Variants in DGKB observed in about 807,000 individuals in gnomAD.
DGKB encodes the protein diacylglycerol kinase beta.
Under a neutral mutation model 114.3 loss-of-function variants are expected in DGKB, and 67 were observed. The ratio of observed to expected loss-of-function variants is 0.59; its 90% CI spans 0.48 to 0.72. DGKB has a LOEUF of 0.72. Among genes scored for constraint, DGKB ranks in the 30% least tolerant of loss-of-function variants. The pLI is 0.00. For missense variants in DGKB, 907 were observed against 975.2 expected, an observed-to-expected ratio of 0.93 and a Z score of 0.93; for synonymous variants, 398 against 323.1, an observed-to-expected ratio of 1.23 and a Z score of -2.49.
chr7:14,301,260 G>T (rs780018916), intron 23 of DGKB, among the ~76,000 whole-genome samples: 2 of 152,008 alleles, frequency 1.3e-5, no homozygotes, highest in African/African-American at 4.8e-5. Context: ...AATCTCATTT[G>T]ACTAGGCTAC....
intron 12 of DGKB, among the ~76,000 whole-genome samples, chr7:14,675,012 G>C (rs1333953543): frequency 6.6e-6 from 1 of 152,058 alleles, no homozygotes; most frequent in Non-Finnish European, 1.5e-5. Context: ...GAGATTATGG[G>C]TCTTAAGACT....
chr7:14,542,480 G>T (rs17168246), intron 20 of DGKB, among the ~76,000 whole-genome samples: 6,353 of 151,936 alleles, frequency 0.042, 269 homozygotes, highest in East Asian at 0.2. Context: ...TCACACATTA[G>T]ATTTTCCTAT....
rs527290275 is a variant in DGKB at position 14,843,530 on chromosome 7, T to G, written c.-187-2080A>C. ...TTTGTATTTTTAGTAGAGACGGGGT[T>G]TCACCTTGTTAGCCAGGATGGTCTC... is the stretch of plus-strand genomic sequence containing the variant. On this transcript the variant is annotated intron_variant, in intron 1 of 25. Transcript: ENST00000402815. Among the ~76,000 whole-genome samples the G allele has an allele frequency of 2.5e-3, 370 of 150,758 alleles. 1 individual carries two copies. The highest frequency in any genetic ancestry group is 8.9e-3 in the African/African-American group (366 of 41,068).
chr7:14,655,672 G>T (rs1563811330), intron 13 of DGKB, among the ~76,000 whole-genome samples: 1 of 151,366 alleles, frequency 6.6e-6, no homozygotes, highest in East Asian at 1.9e-4. Flanking sequence ...AAATAATTAT[G>T]GTATATATGC....
intron 23 of DGKB, among the ~76,000 whole-genome samples, chr7:14,330,917 T>C (rs1035989209): frequency 5.5e-4 from 84 of 152,028 alleles, no homozygotes; most frequent in Admixed American, 5.5e-3. Flanking sequence ...TGAAAATTTT[T>C]TTATTTTTAC....
chr7:14,420,681 A>ATGAAGTTTCATTTACCTTAAACTTCTAAT (rs1826518109), intron 21 of DGKB, among the ~76,000 whole-genome samples: 4 of 152,126 alleles, frequency 2.6e-5, no homozygotes, highest in African/African-American at 7.2e-5. Flanking sequence ...GGACTACTGC[A>ATGAAGTTTCATTTACCTTAAACTTCTAAT]TGAAGTTTCA....
chr7:14,970,881 G>C (rs1293160315), intron 1 of DGKB, among the ~76,000 whole-genome samples: 1 of 152,170 alleles, frequency 6.6e-6, no homozygotes, highest in African/African-American at 2.4e-5. Flanking sequence ...CAGATGGACA[G>C]CGTACACTAG....
At chr7:14,811,832 A>G (rs1843482762) in intron 2 of DGKB, among the ~76,000 whole-genome samples, 7 of 119,638 alleles carry the variant, frequency 5.9e-5, no homozygotes, top group Admixed American at 5.2e-4. Context: ...TTAAGGGTAC[A>G]GTTATGTGAT....
At chr7:14,656,328 T>A (rs1289669757) in intron 13 of DGKB, among the ~76,000 whole-genome samples, 2 of 151,666 alleles carry the variant, frequency 1.3e-5, no homozygotes, top group South Asian at 4.1e-4. Flanking sequence ...TATAGACACC[T>A]ATGATCTGAA....
chr7:14,881,976 A>G (rs560819338), intron 1 of DGKB, among the ~76,000 whole-genome samples: 1 of 152,050 alleles, frequency 6.6e-6, no homozygotes, highest in East Asian at 1.9e-4. Context: ...CAGTCCTGCT[A>G]TTTTACTAGT....
intron 23 of DGKB, among the ~76,000 whole-genome samples, chr7:14,218,624 G>C (rs945042228): frequency 1.3e-5 from 2 of 152,016 alleles, no homozygotes; most frequent in African/African-American, 4.8e-5. Context: ...CTTGAAGGAA[G>C]ATAAGGGGAA....
chr7:14,263,368 C>T (rs1797041367), intron 23 of DGKB, among the ~76,000 whole-genome samples: 1 of 152,010 alleles, frequency 6.6e-6, no homozygotes, highest in Non-Finnish European at 1.5e-5. Context: ...TGAGATGAAC[C>T]TTTGCTTTTT....
At chr7:14,492,392 A>G (rs947635306) in intron 20 of DGKB, among the ~76,000 whole-genome samples, 4 of 152,062 alleles carry the variant, frequency 2.6e-5, no homozygotes, top group Non-Finnish European at 5.9e-5. Flanking sequence ...AAATACCAAT[A>G]AAAGAACATA....
At chr7:14,714,621 GA>G (rs566214492) in intron 6 of DGKB, among the ~76,000 whole-genome samples, 2,263 of 149,812 alleles carry the variant, frequency 0.015, 21 homozygotes, top group Admixed American at 0.022. Context: ...TAGGTGTTTG[GA>G]AAAAAAAACA....
intron 20 of DGKB, among the ~76,000 whole-genome samples, chr7:14,520,826 G>A (rs1371223614): frequency 6.6e-6 from 1 of 151,972 alleles, no homozygotes; most frequent in Non-Finnish European, 1.5e-5. Context: ...AATAGAAGTC[G>A]ATAAATGCCA....
chr7:14,193,761 C>A (rs538312277), intron 23 of DGKB, among the ~76,000 whole-genome samples: 1 of 151,622 alleles, frequency 6.6e-6, no homozygotes, highest in South Asian at 2.1e-4. Flanking sequence ...GATAACCTAG[C>A]AAATGGGAGA....
intron 20 of DGKB, among the ~76,000 whole-genome samples, chr7:14,515,976 C>T (rs1412804365): frequency 6.6e-6 from 1 of 152,064 alleles, no homozygotes; most frequent in Non-Finnish European, 1.5e-5. Context: ...TCTTCAGTAG[C>T]TGGAACTACA....
At chr7:14,930,794 G>A (rs983614520) in intron 1 of DGKB, among the ~76,000 whole-genome samples, 8 of 152,120 alleles carry the variant, frequency 5.3e-5, no homozygotes, top group African/African-American at 1.9e-4. Context: ...AGTTCTTAGA[G>A]GGAATGATTT....
intron 21 of DGKB, among the ~76,000 whole-genome samples, chr7:14,356,435 C>T (rs1814535473): frequency 1.4e-5 from 2 of 144,064 alleles, no homozygotes; most frequent in South Asian, 4.5e-4. Flanking sequence ...GATCTCGGCT[C>T]ACTGCAAGCT....
Sources: gnomAD v4.1 joint callset for allele counts (sites outside exome capture counted in the v4.1 genomes callset) on GRCh38, gnomAD v4.1.1 for gene constraint, MANE v1.5 for transcripts, NCBI Gene and HGNC (gene_info 2026-07-23, HGNC 2026-07-21) for gene names.